The following NRG1 variants were observed in gnomAD, a reference collection of about 807,000 sequenced individuals.
NRG1 encodes neuregulin 1, also known as pro-neuregulin-1, membrane-bound isoform.
NRG1 carries 18 observed loss-of-function variants against 63.8 expected under a neutral mutation model. The observed-to-expected ratio is 0.28, with a 90% CI of 0.19 to 0.42. The LOEUF (loss-of-function observed/expected upper bound fraction) is 0.42, where lower values mean the gene tolerates loss of function less well. Ranked by LOEUF, NRG1 falls within the 10% of genes least tolerant of loss-of-function variation. The pLI is 1.00. For missense variants in NRG1, 762 were observed against 814.7 expected (o/e 0.94, Z 0.79); for synonymous variants, 302 against 301.3 (o/e 1.00, Z -0.02).
intron 1 of NRG1, among the ~76,000 whole-genome samples, chr8:32,486,689 A>T (rs868492895): frequency 4.7e-5 from 7 of 148,430 alleles, no homozygotes; most frequent in African/African-American, 1.8e-4. Context: ...CAGTGGCATG[A>T]CCTTGGCACA....
chr8:32,472,390 G>A (rs554512199), intron 1 of NRG1, among the ~76,000 whole-genome samples: 4 of 152,222 alleles, frequency 2.6e-5, no homozygotes, highest in South Asian at 2.1e-4. Flanking sequence ...GGCTGGTCTC[G>A]AACTCCTGAC....
chr8:32,596,187 T>C (rs1588575167), intron 2 of NRG1, among the ~76,000 whole-genome samples, 182 bp downstream of exon 2: 1 of 152,196 alleles, frequency 6.6e-6, no homozygotes, highest in African/African-American at 2.4e-5. Context: ...TTGTGGTTCT[T>C]ACATCTTATT....
intron 1 of NRG1, among the ~76,000 whole-genome samples, chr8:32,512,897 A>G (rs1455565730): frequency 2.6e-5 from 4 of 152,178 alleles, no homozygotes; most frequent in East Asian, 1.9e-4. Context: ...CAATAACCCC[A>G]TTCCTTTAAA....
At chr8:32,194,070 A>T (rs1842747577) in intron 1 of NRG1, among the ~76,000 whole-genome samples, 1 of 152,134 alleles carries the variant, frequency 6.6e-6, no homozygotes, top group African/African-American at 2.4e-5. Context: ...ATGCTTGGTG[A>T]CTCAACTCTT....
chr8:32,310,975 C>T (rs1249523193), intron 1 of NRG1, among the ~76,000 whole-genome samples: 1 of 152,172 alleles, frequency 6.6e-6, no homozygotes, highest in Non-Finnish European at 1.5e-5. Flanking sequence ...AGGTGTCCTC[C>T]TCTCTTCATG....
chr8:31,815,493 C>T (rs1823349329), intron 1 of NRG1, among the ~76,000 whole-genome samples: 1 of 152,120 alleles, frequency 6.6e-6, no homozygotes. Context: ...ATCCATTCAT[C>T]CAGCCACGGG....
At chr8:32,116,137 AT>A (rs201616308) in intron 1 of NRG1, among the ~76,000 whole-genome samples, 2 of 152,036 alleles carry the variant, frequency 1.3e-5, no homozygotes, top group Admixed American at 6.6e-5. Flanking sequence ...CAATGGGGAT[AT>A]TTTTTTATTC....
intron 1 of NRG1, among the ~76,000 whole-genome samples, chr8:32,187,629 T>G (rs1842088405): frequency 6.6e-6 from 1 of 152,130 alleles, no homozygotes; most frequent in South Asian, 2.1e-4. Flanking sequence ...ATGCTGCACT[T>G]AGGCTAAAGT....
intron 1 of NRG1, 42 bp downstream of exon 1, chr8:32,548,868 G>GCTCCTCCTACTCCTCCTCCTCCTC: frequency 1.3e-6 from 2 of 1,522,028 alleles, no homozygotes; most frequent in Non-Finnish European, 1.8e-6. Flanking sequence ...TCCTCCTCCT[G>GCTCCTCCTACTCCTCCTCCTCCTC]CTCCTCCTAC....
intron 1 of NRG1, among the ~76,000 whole-genome samples, chr8:31,850,489 T>C (rs1457798773): frequency 6.6e-6 from 1 of 152,148 alleles, no homozygotes; most frequent in African/African-American, 2.4e-5. Flanking sequence ...ACATAAAAAA[T>C]TGAACCAGAT....
chr8:32,247,137 G>A (rs1371904390), intron 1 of NRG1, among the ~76,000 whole-genome samples: 1 of 151,786 alleles, frequency 6.6e-6, no homozygotes, highest in Non-Finnish European at 1.5e-5. Context: ...CACTGGCTTA[G>A]AAGAAGCTAA....
chr8:32,684,672 A>T (rs1390501921), intron 5 of NRG1, among the ~76,000 whole-genome samples: 1 of 152,014 alleles, frequency 6.6e-6, no homozygotes, highest in East Asian at 1.9e-4. Flanking sequence ...TTATGGGGGA[A>T]CCTTTCTACT....
chr8:32,241,667 A>G (rs1056939171), intron 1 of NRG1, among the ~76,000 whole-genome samples: 4 of 152,122 alleles, frequency 2.6e-5, no homozygotes, highest in African/African-American at 9.7e-5. Context: ...ATTAGGGTTC[A>G]TTGTTACAGT....
At chr8:32,705,831 T>C (rs556269231) in intron 5 of NRG1, among the ~76,000 whole-genome samples, 131 of 152,234 alleles carry the variant, frequency 8.6e-4, no homozygotes, top group Non-Finnish European at 1.6e-3. Context: ...AAACCCTACC[T>C]GCCGTTGCAA....
intron 1 of NRG1, among the ~76,000 whole-genome samples, chr8:32,300,856 A>G (rs776098588): frequency 1.3e-5 from 2 of 152,202 alleles, no homozygotes; most frequent in Non-Finnish European, 2.9e-5. Context: ...ATTTACATCA[A>G]TGGAAGATGA....
intron 1 of NRG1, among the ~76,000 whole-genome samples, chr8:32,090,376 A>C (rs1431911132): frequency 2.0e-5 from 3 of 152,216 alleles, no homozygotes; most frequent in Non-Finnish European, 4.4e-5. Flanking sequence ...GTTGAAGTGC[A>C]GTGGTGCGAC....
At chr8:32,065,645 T>TA (rs1183610101) in intron 1 of NRG1, among the ~76,000 whole-genome samples, 1 of 152,236 alleles carries the variant, frequency 6.6e-6, no homozygotes, top group Non-Finnish European at 1.5e-5. Flanking sequence ...ACTATAAACA[T>TA]ACCTGTGCAT....
chr8:32,285,263 G>A (rs889892026), intron 1 of NRG1, among the ~76,000 whole-genome samples: 4 of 151,968 alleles, frequency 2.6e-5, no homozygotes, highest in Non-Finnish European at 2.9e-5. Flanking sequence ...CCTGAAGTTC[G>A]GAGAGGTGGA....
chr8:32,120,221 T>C (rs1585429980), intron 1 of NRG1, among the ~76,000 whole-genome samples: 3 of 152,106 alleles, frequency 2.0e-5, no homozygotes. Context: ...GAAATATGTC[T>C]TAGATTTCTA....
Sources: gnomAD v4.1 joint callset for allele counts (sites outside exome capture counted in the v4.1 genomes callset) on GRCh38, gnomAD v4.1.1 for gene constraint, MANE v1.5 for transcripts, NCBI Gene and HGNC (gene_info 2026-07-23, HGNC 2026-07-21) for gene names.